Variants in TSPOAP1 observed in about 807,000 individuals in gnomAD.
The protein encoded by TSPOAP1 is peripheral-type benzodiazepine receptor-associated protein 1.
TSPOAP1 carries 87 observed loss-of-function variants against 197.0 expected under a neutral mutation model. The ratio of observed to expected loss-of-function variants is 0.44; its 90% CI spans 0.37 to 0.53. TSPOAP1 has a LOEUF of 0.53. TSPOAP1 is among the 20% of genes least tolerant of loss of function. TSPOAP1 has a pLI of 0.00. For synonymous variants in TSPOAP1, 913 were observed against 998.9 expected, an observed-to-expected ratio of 0.91 and a Z score of 1.62; for missense variants, 2,174 against 2,411.3, an observed-to-expected ratio of 0.90 and a Z score of 2.06.
intron 1 of TSPOAP1, among the ~76,000 whole-genome samples, chr17:58,327,004 C>T (rs1223744039): frequency 6.6e-6 from 1 of 152,164 alleles, no homozygotes; most frequent in Non-Finnish European, 1.5e-5. Flanking sequence ...AAACCTGGCA[C>T]CCTCCTGCTC....
chr17:58,318,746 T>A (rs1373860474), intron 13 of TSPOAP1, among the ~76,000 whole-genome samples: 1 of 152,078 alleles, frequency 6.6e-6, no homozygotes, highest in Non-Finnish European at 1.5e-5. Context: ...GACTGTCAAG[T>A]GAGTGGAGCT....
chr17:58,310,472 CA>C lies in TSPOAP1; in HGVS notation c.3699+39del, dbSNP rs749990654. ...TGGCAAAAGGTAGGGAGACAGGCCT[CA>C]ATTCTCTGAAGTGACACAGTGTGTC... On this transcript the variant is annotated intron_variant, in intron 20 of 31. Transcript: ENST00000343736. 3.1e-6 allele frequency: 5 copies of C among 1,602,036 alleles called. No individual in the cohort carries two copies. In the Admixed American group the frequency reaches 8.5e-5, roughly 27 times the overall value.
chr17:58,326,909 C>T lies in TSPOAP1; in HGVS notation c.334-119G>A. ...GGAGACATGGAGATGAAACGGTTTC[C>T]CCTATGTCCCAGGCCTTCAGAGAGG... On this transcript the variant is annotated intron_variant, in intron 1 of 31. Coordinates refer to ENST00000343736, the MANE Select transcript of TSPOAP1 (RefSeq NM_004758.4). The surrounding 1 kb of genome is among the most constrained non-coding windows in gnomAD (Gnocchi z 4.7). The T allele has an allele frequency of 2.4e-6, 2 of 834,018 alleles. No individual in the cohort carries two copies. Among genetic ancestry groups the T allele is most frequent in the Non-Finnish European group, 4.0e-6 (2 of 506,266 alleles). 51.7% of individuals were successfully genotyped at this position (834,018 alleles called of 1,614,324 possible). A position where few individuals can be genotyped will look rare whatever the true frequency, so the allele number is the denominator to read the frequency against.
intron 13 of TSPOAP1, among the ~76,000 whole-genome samples, chr17:58,318,697 A>G (rs1325815467): frequency 1.3e-5 from 2 of 152,182 alleles, no homozygotes; most frequent in African/African-American, 2.4e-5. Context: ...TTACGAAACT[A>G]TGGCCCAGAG....
At chr17:58,313,267 CAAT>C (rs1971125297) in intron 16 of TSPOAP1, among the ~76,000 whole-genome samples, 1 of 151,872 alleles carries the variant, frequency 6.6e-6, no homozygotes, top group Non-Finnish European at 1.5e-5. Flanking sequence ...TTAAAAATTG[CAAT>C]AATAATTTCA....
intron 25 of TSPOAP1, 139 bp downstream of exon 25, chr17:58,306,661 A>T (rs11652685): frequency 2.6e-6 from 3 of 1,132,636 alleles, no homozygotes; most frequent in East Asian, 5.1e-5. Context: ...ACCACTACGC[A>T]GCAGGGTTCA....
chr17:58,325,295 C>G (rs1332755957), intron 4 of TSPOAP1, among the ~76,000 whole-genome samples: 1 of 152,196 alleles, frequency 6.6e-6, no homozygotes. Flanking sequence ...TGGATGCATA[C>G]AGCCAGACCC....
rs149005468 is a variant in TSPOAP1, at chr17:58,311,590, A to G, written c.3062T>C (p.Ile1021Thr). 8.8e-6 allele frequency: 14 copies of G among 1,594,382 alleles called. No individual in the cohort carries two copies. The African/African-American group carries it at 1.7e-4, about 20-fold the overall frequency. Reference protein sequence around the residue: ...SNGVRVTGYAIYADGQKIMEV... With the variant: ...SNGVRVTGYATYADGQKIMEV... ...CTATACCTTCTGCCCATCAGCGTAG[A>G]TGGCATAGCCTGTGACCCGGACACC... Residue 1021 changes from isoleucine (I) to threonine (T), a missense_variant, in exon 18 of 32, where the codon ATC becomes ACC. Ile to Thr is a moderately conservative substitution (Grantham distance 89). This residue lies in a region of TSPOAP1 where 1,933 missense variants were observed against 2,139.0 expected (regional missense o/e 0.90). Transcript: ENST00000343736.
Position 58,325,529 on chromosome 17 carries a change from C to T in TSPOAP1, c.750+5G>A. ...CTGGAAGAGGTGACCAGGGCCTCCT[C>T]GCACCTTGCCCACCAGAGTGAGCCT... On this transcript the variant is annotated splice_donor_5th_base_variant and intron_variant, in intron 4 of 31. Transcript: ENST00000343736. 6.2e-7 allele frequency: 1 copy of T among 1,611,916 alleles called. No homozygotes were observed. The highest frequency in any genetic ancestry group is 8.5e-7 in the Non-Finnish European group (1 of 1,179,990).
chr17:58,304,297 T>C lies in TSPOAP1; in HGVS notation c.*32+41A>G. On this transcript the variant is annotated intron_variant, in intron 31 of 31. Transcript: ENST00000343736. This position sits in a 1 kb window ranked among gnomAD's most constrained non-coding sequence, Gnocchi z 4.2. ...GGAGCACTGTCTGATTATGGTCAAGTGGGGGTGGACGGTCACACAGGGGGG... is the reference window on the plus strand; with the variant it reads ...GGAGCACTGTCTGATTATGGTCAAGCGGGGGTGGACGGTCACACAGGGGGG... 6.5e-7 allele frequency: 1 copy of C among 1,544,918 alleles called. No individual in the cohort carries two copies. Among genetic ancestry groups the C allele is most frequent in the Non-Finnish European group, 8.9e-7 (1 of 1,118,146 alleles).
At chr17:58,321,079 A>T (rs1293261419) in intron 10 of TSPOAP1, among the ~76,000 whole-genome samples, 1 of 152,110 alleles carries the variant, frequency 6.6e-6, no homozygotes, top group Non-Finnish European at 1.5e-5. Context: ...AGGCTCATGT[A>T]TCCAAGTGCC....
At position 58,312,611 on chromosome 17, in the gene TSPOAP1, C is replaced by T; in HGVS notation, c.2210G>A (p.Ser737Asn). 6.2e-7 allele frequency: 1 copy of T among 1,613,778 alleles called. No individual in the cohort carries two copies. The highest frequency in any genetic ancestry group is 8.5e-7 in the Non-Finnish European group (1 of 1,179,910). The change falls in exon 17 of 32, where the codon AGC (serine) becomes AAC (asparagine). Residue 737 changes from serine (S) to asparagine (N), a missense_variant. Physicochemically the swap from Ser to Asn is conservative, Grantham distance 46 (BLOSUM62 1). Coordinates refer to ENST00000343736, the MANE Select transcript of TSPOAP1 (RefSeq NM_004758.4). The stretch of plus-strand genomic sequence containing the variant: ...CAGGAAACTGAGTTCAGGGCCTGAG[C>T]TGTGGGACAAATCGGCCAGCTCTGG... ...LPPELADLSH[S>N]SGPELSFLSV...
chr17:58,302,474 G>A (rs1970746149), intron 31 of TSPOAP1, 27 bp from the exon 32 acceptor site: 1 of 1,200,680 alleles, frequency 8.3e-7, no homozygotes, highest in African/African-American at 1.6e-5. Flanking sequence ...AAGGAGCAAG[G>A]TCAGGGCCTG....
At position 58,328,069 on chromosome 17, in the gene TSPOAP1, A is replaced by G. The variant is rs1434039661; in HGVS notation, c.-149T>C. 5.5e-6 allele frequency: 4 copies of G among 727,582 alleles called. No individual in the cohort carries two copies. The highest frequency in any genetic ancestry group is 8.8e-6 in the Non-Finnish European group (4 of 455,162). The allele number at this position is 727,582 out of a possible 1,614,324, so 45.1% of individuals were successfully genotyped here. ...TCCAAGGTTGGCTGAGCTCTTCCCC[A>G]CCCACAAAGGAGGCTGCAGAAGGCG... On this transcript the variant is annotated 5_prime_UTR_variant, in exon 1 of 32. Coordinates refer to ENST00000343736, the MANE Select transcript of TSPOAP1 (RefSeq NM_004758.4). The surrounding 1 kb of genome is among the most constrained non-coding windows in gnomAD (Gnocchi z 4.3).
Position 58,311,894 on chromosome 17 carries a change from G to A in TSPOAP1, c.2927C>T (p.Ala976Val). The A allele has an allele frequency of 6.5e-7, 1 of 1,543,056 alleles. No individual in the cohort carries two copies. The highest frequency in any genetic ancestry group is 1.4e-5 in the African/African-American group (1 of 73,376). The change falls in exon 17 of 32, where the codon GCA (alanine) becomes GTA (valine). Residue 976 changes from alanine to valine, a missense_variant and splice_region_variant. Physicochemically the swap from Ala to Val is moderately conservative, Grantham distance 64. This residue lies in a region of TSPOAP1 where 1,933 missense variants were observed against 2,139.0 expected (regional missense o/e 0.90). Transcript: ENST00000343736. The part of the protein sequence containing the change: ...AATLQFTTLP[A>V]GPPDAPLDVQ... ...CAACAGGGCCCAAGCCCACATACCTGCTGGGAGTGTGGTGAACTGCAGGGT... is the reference window on the plus strand; with the variant it reads ...CAACAGGGCCCAAGCCCACATACCTACTGGGAGTGTGGTGAACTGCAGGGT...
Position 58,316,596 on chromosome 17 carries a change from G to A in TSPOAP1, c.1873-56C>T, listed in dbSNP as rs199631518. On this transcript the variant is annotated intron_variant, in intron 14 of 31. Coordinates refer to ENST00000343736, the MANE Select transcript of TSPOAP1 (RefSeq NM_004758.4). Reference sequence around the variant, plus strand: ...TTCAGGGCCTGGGGCCAAGCGCCAAGCAGGCAGGTTTCCAGGCTGAGCCAG... The same window carrying A: ...TTCAGGGCCTGGGGCCAAGCGCCAAACAGGCAGGTTTCCAGGCTGAGCCAG... 5.2e-4 allele frequency: 748 copies of A among 1,448,784 alleles called. 1 individual carries two copies. The highest frequency in any genetic ancestry group is 6.2e-4 in the Non-Finnish European group (654 of 1,057,840). The allele number at this position is 1,448,784 out of a possible 1,614,324, so 89.7% of individuals were successfully genotyped here.
intron 16 of TSPOAP1, 43 bp from the exon 17 acceptor site, chr17:58,312,765 G>A (rs762731650): frequency 3.9e-6 from 6 of 1,532,000 alleles, no homozygotes; most frequent in Non-Finnish European, 5.3e-6. Flanking sequence ...GGGGAAGACA[G>A]AGAGGAGATA....
At chr17:58,307,444 A>G (rs1266816518) in intron 24 of TSPOAP1, 167 bp downstream of exon 24, 2 of 897,156 alleles carry the variant, frequency 2.2e-6, no homozygotes, top group Non-Finnish European at 3.3e-6. Context: ...TAATCTACTC[A>G]AGGTTACACA....
intron 28 of TSPOAP1, 23 bp from the exon 29 acceptor site, chr17:58,305,481 A>C (rs1451808159): frequency 6.2e-7 from 1 of 1,613,620 alleles, no homozygotes; most frequent in East Asian, 2.2e-5. Context: ...AGAGGAGGGC[A>C]TCAGGCCCAG....
Sources: allele counts gnomAD v4.1 joint callset (sites outside exome capture counted in the v4.1 genomes callset), GRCh38; gene constraint gnomAD v4.1.1; regional missense constraint gnomAD v4.1.1; non-coding constraint Gnocchi (gnomAD v3.1); transcripts MANE v1.5; gene names NCBI Gene and HGNC (gene_info 2026-07-23, HGNC 2026-07-21).